The following TMTC1 variants were observed in gnomAD, a reference collection of about 807,000 sequenced individuals.
The protein encoded by TMTC1 is transmembrane O-mannosyltransferase targeting cadherins 1.
Under a neutral mutation model 104.8 loss-of-function variants are expected in TMTC1, and 73 were observed. The observed-to-expected ratio is 0.70, with a 90% CI of 0.58 to 0.85. The LOEUF is 0.85. TMTC1 is among the 40% of genes least tolerant of loss of function. TMTC1 has a pLI of 0.00. For synonymous variants in TMTC1, 434 were observed against 428.7 expected (o/e 1.01, Z -0.15); for missense variants, 1,035 against 1,096.1 (o/e 0.94, Z 0.79).
intron 5 of TMTC1, among the ~76,000 whole-genome samples, chr12:29,660,421 G>T (rs1939962687): frequency 6.6e-6 from 1 of 152,194 alleles, no homozygotes; most frequent in Admixed American, 6.5e-5. Flanking sequence ...ACTAAAGCAG[G>T]TAGGGCAAAT....
chr12:29,571,900 A>G (rs1447834114), intron 9 of TMTC1, among the ~76,000 whole-genome samples: 1 of 152,260 alleles, frequency 6.6e-6, no homozygotes, highest in Non-Finnish European at 1.5e-5. Flanking sequence ...CGCAAGACTT[A>G]CACGCAAGGT....
chr12:29,558,905 C>G (rs953958294), intron 9 of TMTC1, among the ~76,000 whole-genome samples: 1 of 152,100 alleles, frequency 6.6e-6, no homozygotes, highest in Non-Finnish European at 1.5e-5. Flanking sequence ...GAAAGTGTCC[C>G]GCAAAGCTTG....
intron 5 of TMTC1, among the ~76,000 whole-genome samples, chr12:29,645,236 A>G (rs566083876): frequency 4.0e-4 from 61 of 152,354 alleles, no homozygotes; most frequent in Non-Finnish European, 8.1e-4. Flanking sequence ...AATAAAAGAT[A>G]TCTGCTAGAC....
intron 5 of TMTC1, among the ~76,000 whole-genome samples, chr12:29,692,381 A>G (rs1941292596): frequency 7.0e-6 from 1 of 142,296 alleles, no homozygotes; most frequent in Non-Finnish European, 1.5e-5. Context: ...GGCCAACGAA[A>G]TGAATTAAGT....
intron 5 of TMTC1, among the ~76,000 whole-genome samples, chr12:29,682,739 T>TA (rs1565765817): frequency 3.3e-5 from 5 of 152,086 alleles, no homozygotes; most frequent in Admixed American, 1.3e-4. Flanking sequence ...TGCTAGGACT[T>TA]AGAGTTGGTT....
intron 7 of TMTC1, among the ~76,000 whole-genome samples, chr12:29,597,195 T>C (rs1946427556): frequency 6.6e-6 from 1 of 151,550 alleles, no homozygotes; most frequent in Admixed American, 6.6e-5. Context: ...CATGTGAACT[T>C]TTTTTTTCTT....
At chr12:29,543,055 C>T (rs1944846265) in intron 10 of TMTC1, among the ~76,000 whole-genome samples, 1 of 152,154 alleles carries the variant, frequency 6.6e-6, no homozygotes, top group African/African-American at 2.4e-5. Flanking sequence ...AGAATGTGTT[C>T]CTGGGACCAG....
At chr12:29,735,012 A>G (rs764765764) in intron 5 of TMTC1, among the ~76,000 whole-genome samples, 3 of 152,176 alleles carry the variant, frequency 2.0e-5, no homozygotes, top group Non-Finnish European at 4.4e-5. Flanking sequence ...AAAATATCTA[A>G]CCATTAAACA....
Position 29,552,636 on chromosome 12 carries a change from T to G in TMTC1, c.1676+4221A>C, listed in dbSNP as rs181960750. Among the ~76,000 whole-genome samples the G allele has an allele frequency of 2.6e-5, 4 of 152,298 alleles. No individual in the cohort carries two copies. In the East Asian group the frequency reaches 7.7e-4, roughly 29 times the overall value. ...CTAAAGGACTTTGGCATGTTACTTA[T>G]TTTCTCCAAATCTTAGTTTCCTTAT... is the stretch of plus-strand genomic sequence containing the variant. On this transcript the variant is annotated intron_variant, in intron 10 of 17. Coordinates refer to ENST00000539277, the MANE Select transcript of TMTC1 (RefSeq NM_001193451.2).
chr12:29,702,867 A>G (rs1591948988), intron 5 of TMTC1, among the ~76,000 whole-genome samples: 1 of 152,208 alleles, frequency 6.6e-6, no homozygotes, highest in Non-Finnish European at 1.5e-5. Flanking sequence ...AACTGAGGCC[A>G]GGCACGGTGG....
chr12:29,550,639 T>C (rs1945070255), intron 10 of TMTC1, among the ~76,000 whole-genome samples: 1 of 152,072 alleles, frequency 6.6e-6, no homozygotes, highest in Non-Finnish European at 1.5e-5. Flanking sequence ...AAAAAGCCAG[T>C]GGCCAGGCCA....
chr12:29,634,482 C>T (rs891224062), intron 5 of TMTC1, among the ~76,000 whole-genome samples: 2 of 152,190 alleles, frequency 1.3e-5, no homozygotes, highest in African/African-American at 4.8e-5. Context: ...ACTCCACCCA[C>T]TCCCTCACCC....
intron 5 of TMTC1, among the ~76,000 whole-genome samples, chr12:29,747,058 G>C (rs912898327): frequency 1.3e-5 from 2 of 152,110 alleles, no homozygotes; most frequent in Non-Finnish European, 2.9e-5. Context: ...ATTGAGCCAA[G>C]AACTGTCTTC....
At chr12:29,583,224 T>A (rs1168699431) in intron 8 of TMTC1, among the ~76,000 whole-genome samples, 183 bp downstream of exon 8, 1 of 152,264 alleles carries the variant, frequency 6.6e-6, no homozygotes, top group Non-Finnish European at 1.5e-5. Flanking sequence ...TTAAGTTTTA[T>A]ATATCATTTT....
intron 11 of TMTC1, chr12:29,533,240 A>T (rs1174145427): frequency 6.6e-6 from 1 of 152,148 alleles, no homozygotes; most frequent in Non-Finnish European, 1.5e-5. Context: ...CAAATTTGTC[A>T]AATCCCCTAC....
chr12:29,591,525 T>C (rs9668451), intron 7 of TMTC1, among the ~76,000 whole-genome samples: 7,170 of 152,214 alleles, frequency 0.047, 571 homozygotes, highest in African/African-American at 0.16. Flanking sequence ...CTGCTGACAG[T>C]GTGGTTTAGC....
intron 6 of TMTC1, among the ~76,000 whole-genome samples, chr12:29,632,778 T>C (rs1938360407): frequency 1.3e-5 from 2 of 152,186 alleles, no homozygotes; most frequent in African/African-American, 2.4e-5. Context: ...GGAGAAATCA[T>C]CCAACTACCC....
intron 5 of TMTC1, among the ~76,000 whole-genome samples, chr12:29,682,817 C>G (rs1940964133): frequency 6.6e-6 from 1 of 152,028 alleles, no homozygotes; most frequent in Non-Finnish European, 1.5e-5. Context: ...GACAGAGTAG[C>G]TATATATCTT....
intron 5 of TMTC1, among the ~76,000 whole-genome samples, chr12:29,646,513 T>C (rs1235123408): frequency 6.6e-6 from 1 of 152,132 alleles, no homozygotes; most frequent in Non-Finnish European, 1.5e-5. Flanking sequence ...AAATAAAATA[T>C]CAGTAAGTGA....
Sources: allele counts gnomAD v4.1 joint callset (sites outside exome capture counted in the v4.1 genomes callset), GRCh38; gene constraint gnomAD v4.1.1; transcripts MANE v1.5; gene names NCBI Gene and HGNC (gene_info 2026-07-23, HGNC 2026-07-21).